The following AP2B1 variants were observed in gnomAD, a reference collection of about 807,000 sequenced individuals.
The protein encoded by AP2B1 is adaptor related protein complex 2 subunit beta 1, also known as AP-2 complex subunit beta.
In AP2B1, 23 loss-of-function variants were observed where a neutral mutation model predicts 102.0. That is an observed-to-expected ratio of 0.23 (90% CI 0.16 to 0.32). The LOEUF (loss-of-function observed/expected upper bound fraction) is 0.32, where lower values mean the gene tolerates loss of function less well. AP2B1 is among the 10% of genes least tolerant of loss of function. The pLI, the probability that AP2B1 is intolerant of heterozygous loss-of-function variation, is 1.00. For synonymous variants in AP2B1, 381 were observed against 421.2 expected (o/e 0.90, Z 1.17); for missense variants, 541 against 1,157.4 (o/e 0.47, Z 7.73).
rs115246083 is a variant in AP2B1, at chr17:35,615,740, A to T, written c.525+7353A>T. On this transcript the variant is annotated intron_variant, in intron 5 of 21. Transcript: ENST00000610402. ...GTAATACTTTTCATATCAAATGTCCATGAAGGAGTTAGAGCTGGCAGAATT... is the reference window on the plus strand; with the variant it reads ...GTAATACTTTTCATATCAAATGTCCTTGAAGGAGTTAGAGCTGGCAGAATT... Among the ~76,000 whole-genome samples, 338 of 152,352 alleles carry T rather than the reference A, an allele frequency of 2.2e-3. 1 individual carries two copies. Among genetic ancestry groups the T allele is most frequent in the African/African-American group, 7.9e-3 (330 of 41,578 alleles).
chr17:35,601,545 A>C (rs1355294008), intron 3 of AP2B1, among the ~76,000 whole-genome samples: 6 of 152,196 alleles, frequency 3.9e-5, no homozygotes, highest in Non-Finnish European at 8.8e-5. Context: ...TTGGGATTAC[A>C]GGCATGAGCC....
intron 16 of AP2B1, among the ~76,000 whole-genome samples, chr17:35,673,040 A>G (rs935734121): frequency 1.8e-4 from 28 of 152,156 alleles, no homozygotes; most frequent in African/African-American, 6.5e-4. Flanking sequence ...TTGATACACC[A>G]TAATTTATTT....
At chr17:35,676,590 T>A (rs1340410477) in intron 17 of AP2B1, among the ~76,000 whole-genome samples, 1 of 152,196 alleles carries the variant, frequency 6.6e-6, no homozygotes, top group Non-Finnish European at 1.5e-5. Flanking sequence ...ACATCTTTGG[T>A]TGGACATATG....
At position 35,710,237 on chromosome 17, in the gene AP2B1, G is replaced by A; in HGVS notation, c.2543G>A (p.Arg848His). 1.9e-6 allele frequency: 3 copies of A among 1,611,556 alleles called. No homozygotes were observed. Among genetic ancestry groups the A allele is most frequent in the Non-Finnish European group, 8.5e-7 (1 of 1,177,824 alleles). ...TCCCCTCTGCTTTCCCATACAGAGCGCCAGGTCTTCCTTGCAACATGGAAG... is the reference window on the plus strand; with the variant it reads ...TCCCCTCTGCTTTCCCATACAGAGCACCAGGTCTTCCTTGCAACATGGAAG... Reference protein sequence around the residue: ...VLFVEDGKMERQVFLATWKDI... With the variant: ...VLFVEDGKMEHQVFLATWKDI... Residue 848 changes from arginine (R) to histidine (H), a missense_variant, in exon 20 of 22, where the codon CGC becomes CAC. Physicochemically the swap from Arg to His is conservative, Grantham distance 29. Coordinates refer to ENST00000610402, the MANE Select transcript of AP2B1 (RefSeq NM_001030006.2).
chr17:35,636,060 C>A (rs1451549084), intron 9 of AP2B1, among the ~76,000 whole-genome samples: 4 of 151,676 alleles, frequency 2.6e-5, no homozygotes, highest in Non-Finnish European at 5.9e-5. Flanking sequence ...AAATTAATAT[C>A]CCTGACATAA....
At chr17:35,616,580 C>T (rs969079323) in intron 5 of AP2B1, among the ~76,000 whole-genome samples, 10 of 152,154 alleles carry the variant, frequency 6.6e-5, no homozygotes, top group South Asian at 4.1e-4. Flanking sequence ...TAACATCTTA[C>T]GTAACCGTGG....
intron 14 of AP2B1, among the ~76,000 whole-genome samples, chr17:35,660,559 C>T (rs1023640775): frequency 1.3e-5 from 2 of 148,854 alleles, no homozygotes; most frequent in Non-Finnish European, 3.0e-5. Flanking sequence ...TCTTGGCTCA[C>T]TGCAACCTCA....
chr17:35,647,097 A>G (rs2142788678), intron 12 of AP2B1, among the ~76,000 whole-genome samples: 1 of 152,338 alleles, frequency 6.6e-6, no homozygotes, highest in East Asian at 1.9e-4. Flanking sequence ...AGATAAATGC[A>G]GTGTTTAATT....
At chr17:35,681,611 C>T (rs992609259) in intron 17 of AP2B1, among the ~76,000 whole-genome samples, 1 of 151,864 alleles carries the variant, frequency 6.6e-6, no homozygotes, top group Non-Finnish European at 1.5e-5. Flanking sequence ...GGGGGGTGGG[C>T]AGTAAAGACA....
At chr17:35,651,667 G>A (rs2075089295) in intron 13 of AP2B1, among the ~76,000 whole-genome samples, 1 of 151,910 alleles carries the variant, frequency 6.6e-6, no homozygotes, top group Non-Finnish European at 1.5e-5. Flanking sequence ...AATTGGCGTG[G>A]TCAGCATTTT....
At chr17:35,607,617 C>T (rs1048694204) in intron 4 of AP2B1, among the ~76,000 whole-genome samples, 3 of 152,154 alleles carry the variant, frequency 2.0e-5, no homozygotes, top group African/African-American at 7.2e-5. Context: ...CTCAGAGGGC[C>T]TTCTCTGCTG....
intron 14 of AP2B1, among the ~76,000 whole-genome samples, chr17:35,667,933 ATT>A (rs34486349): frequency 2.1e-4 from 25 of 120,170 alleles, no homozygotes; most frequent in African/African-American, 2.3e-4. Flanking sequence ...CGCTGCTCAA[ATT>A]TTTTTTTTTT....
At chr17:35,677,301 A>G (rs1440445144) in intron 17 of AP2B1, among the ~76,000 whole-genome samples, 2 of 152,232 alleles carry the variant, frequency 1.3e-5, no homozygotes, top group Non-Finnish European at 1.5e-5. Flanking sequence ...AAAGTTTTCA[A>G]TAAAGTCAGG....
chr17:35,716,278 G>GC (rs1555589809), intron 20 of AP2B1, among the ~76,000 whole-genome samples: 1 of 152,196 alleles, frequency 6.6e-6, no homozygotes, highest in Non-Finnish European at 1.5e-5. Context: ...AAGAAGCAGT[G>GC]CTTGTCATCT....
chr17:35,593,024 G>A (rs545667392), intron 1 of AP2B1, among the ~76,000 whole-genome samples: 30 of 152,258 alleles, frequency 2.0e-4, no homozygotes, highest in African/African-American at 7.2e-4. Flanking sequence ...TTAAGGTTGA[G>A]GTTGAGATCC....
chr17:35,662,443 T>G (rs1275735078), intron 14 of AP2B1, among the ~76,000 whole-genome samples: 2 of 152,084 alleles, frequency 1.3e-5, no homozygotes, highest in African/African-American at 4.8e-5. Flanking sequence ...GTTTACTAGT[T>G]AGGTATAGGC....
At chr17:35,622,183 T>C (rs1402600180) in intron 5 of AP2B1, among the ~76,000 whole-genome samples, 2 of 152,184 alleles carry the variant, frequency 1.3e-5, no homozygotes, top group East Asian at 3.8e-4. Context: ...ATCCAGTAGG[T>C]GGGCTAGATA....
chr17:35,593,411 C>G (rs1567759773), intron 1 of AP2B1, among the ~76,000 whole-genome samples: 2 of 149,426 alleles, frequency 1.3e-5, no homozygotes, highest in Non-Finnish European at 3.0e-5. Flanking sequence ...ATCTCATGTA[C>G]CTATACGCAC....
At chr17:35,662,948 G>A (rs1210975746) in intron 14 of AP2B1, among the ~76,000 whole-genome samples, 1 of 152,202 alleles carries the variant, frequency 6.6e-6, no homozygotes, top group Non-Finnish European at 1.5e-5. Flanking sequence ...TGCCCAGCTT[G>A]AGTGGTATGG....
Sources: gnomAD v4.1 joint callset for allele counts (sites outside exome capture counted in the v4.1 genomes callset) on GRCh38, gnomAD v4.1.1 for gene constraint, MANE v1.5 for transcripts, NCBI Gene and HGNC (gene_info 2026-07-23, HGNC 2026-07-21) for gene names.